SRRM3: variants seen among roughly 807,000 people sequenced by gnomAD.
SRRM3 encodes serine/arginine repetitive matrix protein 3.
SRRM3 carries 27 observed loss-of-function variants against 66.2 expected under a neutral mutation model. That is an observed-to-expected ratio of 0.41 (90% CI 0.30 to 0.56). The LOEUF (loss-of-function observed/expected upper bound fraction) is 0.56. Ranked by LOEUF, SRRM3 falls within the 20% of genes least tolerant of loss-of-function variation. The pLI, the probability that SRRM3 is intolerant of heterozygous loss-of-function variation, is 0.32. For missense variants in SRRM3, 918 were observed against 991.9 expected, an observed-to-expected ratio of 0.93 and a Z score of 1.00; for synonymous variants, 391 against 414.9, an observed-to-expected ratio of 0.94 and a Z score of 0.70.
chr7:76,244,100 A>G (rs2117017818), intron 2 of SRRM3, among the ~76,000 whole-genome samples: 2 of 152,170 alleles, frequency 1.3e-5, no homozygotes, highest in South Asian at 4.1e-4. Flanking sequence ...CCACGAGGGG[A>G]TGGGGGGTTA....
intron 1 of SRRM3, among the ~76,000 whole-genome samples, chr7:76,216,639 G>A (rs1164231383): frequency 6.6e-6 from 1 of 152,188 alleles, no homozygotes; most frequent in Non-Finnish European, 1.5e-5. Flanking sequence ...TTGGTGGGAG[G>A]GTCAGGCTCT....
At chr7:76,273,195 C>G (rs529336088) in intron 11 of SRRM3, 2 of 152,340 alleles carry the variant, frequency 1.3e-5, no homozygotes. Flanking sequence ...GTCTGTCTCT[C>G]TGTCTGCCTC....
Position 76,224,139 on chromosome 7 carries a change from G to A in SRRM3, c.-39-10889G>A, listed in dbSNP as rs1223739649. ...TCTGTCCCCCAGGATGGAGTGCAGTGACACGATCACAGCTCACTGCAAGCT... is the reference window on the plus strand; with the variant it reads ...TCTGTCCCCCAGGATGGAGTGCAGTAACACGATCACAGCTCACTGCAAGCT... On this transcript the variant is annotated intron_variant, in intron 1 of 14. Coordinates refer to ENST00000611745, the MANE Select transcript of SRRM3 (RefSeq NM_001110199.3). Among the ~76,000 whole-genome samples, 19 of 114,202 alleles carry A rather than the reference G, an allele frequency of 1.7e-4. No individual in the cohort carries two copies. The South Asian group carries it at 6.5e-3, about 39-fold the overall frequency. 74.9% of individuals were successfully genotyped at this position (114,202 alleles called of 152,430 possible). A position where few individuals can be genotyped will look rare whatever the true frequency, so the allele number is the denominator to read the frequency against.
intron 12 of SRRM3, among the ~76,000 whole-genome samples, 162 bp downstream of exon 12, chr7:76,281,964 T>A (rs1287185905): frequency 2.5e-5 from 1 of 39,964 alleles, no homozygotes; most frequent in Non-Finnish European, 4.6e-5. Flanking sequence ...CACCCCCCCA[T>A]GAGCTACCCC....
chr7:76,247,143 G>C lies in SRRM3; in HGVS notation c.234-1045G>C, dbSNP rs534778421. ...GCTGTCACAGAGGAGCAGTGAGAGA[G>C]AATGACCACTGACCCCAGCAGTGGG... On this transcript the variant is annotated intron_variant, in intron 2 of 14. Transcript: ENST00000611745. Among the ~76,000 whole-genome samples, 346 of 152,242 alleles carry C rather than the reference G, an allele frequency of 2.3e-3. 1 individual carries two copies. Among genetic ancestry groups the C allele is most frequent in the Non-Finnish European group, 3.9e-3 (265 of 68,012 alleles).
intron 1 of SRRM3, among the ~76,000 whole-genome samples, chr7:76,228,691 T>C (rs1438625859): frequency 1.3e-5 from 2 of 152,018 alleles, no homozygotes; most frequent in African/African-American, 2.4e-5. Context: ...ACCATTGCAC[T>C]CCAGCCCAGG....
intron 11 of SRRM3, chr7:76,269,281 A>C (rs1210727561): frequency 1.3e-5 from 2 of 152,168 alleles, no homozygotes; most frequent in African/African-American, 4.8e-5. Flanking sequence ...CCTTTCACCA[A>C]GCATGGTCCC....
At chr7:76,236,833 G>C (rs1264413174) in intron 2 of SRRM3, among the ~76,000 whole-genome samples, 1 of 152,178 alleles carries the variant, frequency 6.6e-6, no homozygotes, top group Non-Finnish European at 1.5e-5. Flanking sequence ...GGAGGTTCCA[G>C]CTGGCAAGGG....
chr7:76,247,881 G>C (rs1273538515), intron 2 of SRRM3, among the ~76,000 whole-genome samples: 2 of 152,176 alleles, frequency 1.3e-5, no homozygotes, highest in African/African-American at 4.8e-5. Flanking sequence ...TTTTAGTAGA[G>C]ACAGGGTTTC....
intron 1 of SRRM3, among the ~76,000 whole-genome samples, chr7:76,230,389 C>A (rs1800984382): frequency 6.6e-6 from 1 of 152,108 alleles, no homozygotes; most frequent in Non-Finnish European, 1.5e-5. Context: ...GTGACTCATG[C>A]CCGTAATCCC....
chr7:76,239,032 CTTTG>C (rs1197438995), intron 2 of SRRM3, among the ~76,000 whole-genome samples: 3 of 151,796 alleles, frequency 2.0e-5, no homozygotes, highest in Admixed American at 6.6e-5. Flanking sequence ...AGTCTTGGAG[CTTTG>C]TTTGTTTTTC....
intron 2 of SRRM3, among the ~76,000 whole-genome samples, chr7:76,245,482 T>G (rs183319275): frequency 3.9e-5 from 6 of 152,312 alleles, no homozygotes; most frequent in Middle Eastern, 6.8e-3. Flanking sequence ...TATACATATT[T>G]ATAGGGTACA....
intron 14 of SRRM3, chr7:76,283,943 C>G: frequency 1.8e-6 from 1 of 548,574 alleles, no homozygotes; most frequent in Non-Finnish European, 2.3e-6. Context: ...CTGCCACTGC[C>G]TTGCTGGGCA....
chr7:76,224,767 T>C (rs1224584016), intron 1 of SRRM3, among the ~76,000 whole-genome samples: 2 of 152,176 alleles, frequency 1.3e-5, no homozygotes, highest in Admixed American at 6.5e-5. Flanking sequence ...GGTTTGTCAC[T>C]GTGGCCGCCC....
In SRRM3 at chr7:76,243,589, T is replaced by C. The variant is rs1166190077; in HGVS notation, c.234-4599T>C. 2.6e-5 allele frequency among the ~76,000 whole-genome samples: 4 copies of C among 152,014 alleles called. No individual in the cohort carries two copies. In the East Asian group the frequency reaches 7.7e-4, roughly 29 times the overall value. The stretch of plus-strand genomic sequence containing the variant: ...CGCTGCAGGTCTCCCTGAAACCCAT[T>C]TGTGCCCATTTCCCAGCCTTCCATG... On this transcript the variant is annotated intron_variant, in intron 2 of 14. Coordinates refer to ENST00000611745, the MANE Select transcript of SRRM3 (RefSeq NM_001110199.3).
chr7:76,264,313 C>T (rs1252266970), intron 8 of SRRM3, among the ~76,000 whole-genome samples: 1 of 151,984 alleles, frequency 6.6e-6, no homozygotes, highest in Non-Finnish European at 1.5e-5. Context: ...ATTATAGGCA[C>T]ACACCACCAC....
chr7:76,249,493 G>C (rs1554606642), intron 3 of SRRM3, among the ~76,000 whole-genome samples: 1 of 152,206 alleles, frequency 6.6e-6, no homozygotes, highest in Non-Finnish European at 1.5e-5. Context: ...GGATCAAACG[G>C]GCAAGTTATA....
At chr7:76,237,499 C>T (rs1057433811) in intron 2 of SRRM3, among the ~76,000 whole-genome samples, 4 of 152,192 alleles carry the variant, frequency 2.6e-5, no homozygotes, top group African/African-American at 9.7e-5. Context: ...CGCTTGAACC[C>T]GCGAAGCAGA....
intron 1 of SRRM3, among the ~76,000 whole-genome samples, chr7:76,228,063 T>C (rs1554603886): frequency 6.6e-6 from 1 of 152,042 alleles, no homozygotes; most frequent in African/African-American, 2.4e-5. Flanking sequence ...AGAGACAGTG[T>C]CTGACTATAT....
Sources: allele counts gnomAD v4.1 joint callset (sites outside exome capture counted in the v4.1 genomes callset), GRCh38; gene constraint gnomAD v4.1.1; transcripts MANE v1.5; gene names NCBI Gene and HGNC (gene_info 2026-07-23, HGNC 2026-07-21).